The following SRP68 variants were observed in gnomAD, a reference collection of about 807,000 sequenced individuals.
SRP68 encodes the protein signal recognition particle 68.
SRP68 carries 15 observed loss-of-function variants against 82.2 expected under a neutral mutation model. The ratio of observed to expected loss-of-function variants is 0.18; its 90% CI spans 0.12 to 0.28. The LOEUF (loss-of-function observed/expected upper bound fraction) is 0.28. Ranked by LOEUF, SRP68 falls within the 10% of genes least tolerant of loss-of-function variation. SRP68 has a pLI of 1.00. For missense variants in SRP68, 595 were observed against 780.5 expected (o/e 0.76, Z 2.83); for synonymous variants, 261 against 292.6 (o/e 0.89, Z 1.10).
intron 8 of SRP68, among the ~76,000 whole-genome samples, 161 bp from the exon 9 acceptor site, chr17:76,050,687 T>C (rs956817317): frequency 4.1e-5 from 4 of 97,018 alleles, no homozygotes; most frequent in Admixed American, 1.3e-4. Context: ...TACCATATAA[T>C]GGTTTCTCAT....
intron 2 of SRP68, among the ~76,000 whole-genome samples, chr17:76,068,021 GTGGCTCACACCTGTAAT>G (rs1294478645): frequency 1.7e-4 from 26 of 152,290 alleles, no homozygotes; most frequent in African/African-American, 5.3e-4. Context: ...GCTGGGTGCA[GTGGCTCACACCTGTAAT>G]CCCAGCACTT....
At position 76,050,462 on chromosome 17, in the gene SRP68, A is replaced by G; in HGVS notation, c.1043T>C (p.Ile348Thr). 6.2e-7 allele frequency: 1 copy of G among 1,613,888 alleles called. No individual in the cohort carries two copies. Among genetic ancestry groups the G allele is most frequent in the Non-Finnish European group, 8.5e-7 (1 of 1,179,934 alleles). Residue 348 changes from isoleucine (I) to threonine (T), a missense_variant, in exon 9 of 16, where the codon ATC becomes ACC. Ile to Thr is a moderately conservative substitution (Grantham distance 89). Coordinates refer to ENST00000307877, the MANE Select transcript of SRP68 (RefSeq NM_014230.4). ...CTTGAGCTCCTCCCGAACCACCTGG[A>G]TGGCGTCCCGACACTCGCTGAGCAT... ...ESMLSECRDAIQVVREELKPD... is the reference protein window; with the variant it reads ...ESMLSECRDATQVVREELKPD...
intron 7 of SRP68, among the ~76,000 whole-genome samples, chr17:76,060,084 C>T (rs1263012754): frequency 7.7e-6 from 1 of 129,130 alleles, no homozygotes; most frequent in African/African-American, 3.0e-5. Context: ...CGAGATCGTG[C>T]CACCGCACTC....
At chr17:76,056,192 A>G (rs1280386353) in intron 8 of SRP68, among the ~76,000 whole-genome samples, 2 of 152,050 alleles carry the variant, frequency 1.3e-5, no homozygotes, top group Non-Finnish European at 2.9e-5. Flanking sequence ...ACTCTGAAAG[A>G]GCCCTCATTT....
intron 4 of SRP68, among the ~76,000 whole-genome samples, chr17:76,063,240 A>T (rs922277134): frequency 6.6e-6 from 1 of 152,214 alleles, no homozygotes; most frequent in Non-Finnish European, 1.5e-5. Flanking sequence ...CTGAGCTATA[A>T]CATAAGCATC....
At chr17:76,062,678 A>G (rs185494006) in intron 4 of SRP68, among the ~76,000 whole-genome samples, 2 of 22,544 alleles carry the variant, frequency 8.9e-5, no homozygotes, top group African/African-American at 1.5e-3. Flanking sequence ...ACATTATATA[A>G]TATATAATAT....
intron 15 of SRP68, 63 bp downstream of exon 15, chr17:76,040,356 A>T: frequency 6.8e-7 from 1 of 1,481,424 alleles, no homozygotes; most frequent in Non-Finnish European, 9.4e-7. Flanking sequence ...TATAATGAGC[A>T]TGCATTCCTA....
chr17:76,044,781 G>A (rs1326601755), intron 12 of SRP68: 2 of 152,538 alleles, frequency 1.3e-5, no homozygotes, highest in African/African-American at 2.4e-5. Flanking sequence ...TTGTCTCCCA[G>A]GCTGGAGTGC....
chr17:76,054,226 A>T (rs981212965), intron 8 of SRP68, among the ~76,000 whole-genome samples: 4 of 152,160 alleles, frequency 2.6e-5, no homozygotes, highest in Admixed American at 2.6e-4. Flanking sequence ...GTGTGTCCTG[A>T]GGTACAGACC....
chr17:76,064,163 A>G lies in SRP68; in HGVS notation c.374T>C (p.Leu125Pro). Residue 125 changes from leucine to proline, a missense_variant, in exon 4 of 16, where the codon CTT becomes CCT. Around this residue, in one of 2 missense-constraint regions of SRP68, gnomAD observed 495 missense variants for 688.6 expected, o/e 0.72. Coordinates refer to ENST00000307877, the MANE Select transcript of SRP68 (RefSeq NM_014230.4). ...EELLTDNRYLLLVLMDAERAW... is the reference protein window; with the variant it reads ...EELLTDNRYLPLVLMDAERAW... The stretch of plus-strand genomic sequence containing the variant: ...TCTTTCAGCATCCATCAGAACCAGA[A>G]GCAAGTATCTAGACCAGAGACAGAA... The G allele has an allele frequency of 6.2e-7, 1 of 1,614,176 alleles. No homozygotes were observed. The highest frequency in any genetic ancestry group is 8.5e-7 in the Non-Finnish European group (1 of 1,179,994).
chr17:76,040,583 C>T (rs2066581987), intron 14 of SRP68, 109 bp from the exon 15 acceptor site: 1 of 1,096,186 alleles, frequency 9.1e-7, no homozygotes, highest in Admixed American at 1.9e-5. Context: ...CAAAAGGAGC[C>T]AGCATGTGGG....
rs1464871698 is a variant in SRP68, at chr17:76,046,114, T to A, written c.1223A>T (p.Gln408Leu). The change falls in exon 11 of 16, where the codon CAG (glutamine) becomes CTG (leucine). Residue 408 changes from glutamine to leucine, a missense_variant. By Grantham distance (113) the Gln-to-Leu change is moderately radical (BLOSUM62 -2). Around this residue, in one of 2 missense-constraint regions of SRP68, gnomAD observed 495 missense variants for 688.6 expected, o/e 0.72. Coordinates refer to ENST00000307877, the MANE Select transcript of SRP68 (RefSeq NM_014230.4). Reference protein sequence around the residue: ...MAKGLQRALLQQQPEDDSKRS... With the variant: ...MAKGLQRALLLQQPEDDSKRS... ...CTTGCTGTCATCCTCTGGCTGCTGC[T>A]GCAGCAGAGCCCTCTGCAGACCTTT... 6.2e-7 allele frequency: 1 copy of A among 1,613,826 alleles called. No individual in the cohort carries two copies. Among genetic ancestry groups the A allele is most frequent in the African/African-American group, 1.3e-5 (1 of 74,920 alleles).
intron 8 of SRP68, among the ~76,000 whole-genome samples, chr17:76,057,166 A>C (rs2066718980): frequency 6.6e-6 from 1 of 152,190 alleles, no homozygotes; most frequent in Non-Finnish European, 1.5e-5. Flanking sequence ...TCCCATTTTT[A>C]TGTTGATGAC....
At position 76,072,151 on chromosome 17, in the gene SRP68, C is replaced by T; in HGVS notation, c.184+157G>A. The T allele has an allele frequency of 7.1e-7, 1 of 1,408,580 alleles. No homozygotes were observed. The highest frequency in any genetic ancestry group is 9.6e-7 in the Non-Finnish European group (1 of 1,044,438). The allele number at this position is 1,408,580 out of a possible 1,614,324, so 87.3% of individuals were successfully genotyped here. On this transcript the variant is annotated intron_variant, in intron 1 of 15. Transcript: ENST00000307877. The surrounding 1 kb of genome is among the most constrained non-coding windows in gnomAD (Gnocchi z 4.5). ...GGAAAGACTAGTCGAGAGACAGACC[C>T]CCCCCGGAATTCTGAGCACCAAAAG...
intron 13 of SRP68, among the ~76,000 whole-genome samples, chr17:76,042,312 A>G (rs2066597277): frequency 6.6e-6 from 1 of 152,022 alleles, no homozygotes; most frequent in East Asian, 1.9e-4. Context: ...TCGTTCAATA[A>G]TCAGTAAAGC....
intron 14 of SRP68, 76 bp downstream of exon 14, chr17:76,040,827 T>A: frequency 7.4e-7 from 1 of 1,345,342 alleles, no homozygotes; most frequent in Non-Finnish European, 1.1e-6. Context: ...CTTAAAACAG[T>A]AGTATGGGGT....
rs1204046009 is a variant in SRP68 at position 76,064,125 on chromosome 17, C to T, written c.412G>A (p.Ala138Thr). 14 of 1,614,090 alleles carry T rather than the reference C, an allele frequency of 8.7e-6. No homozygotes were observed. The highest frequency in any genetic ancestry group is 1.3e-5 in the African/African-American group (1 of 74,934). ...TTGGCTTCCTGTTTCAGCTGCATGG[C>T]GTAGCTCCAGGCTCTTTCAGCATCC... ...LMDAERAWSY[A>T]MQLKQEANTE... Residue 138 changes from alanine (A) to threonine (T), a missense_variant, in exon 4 of 16, where the codon GCC becomes ACC. Ala to Thr is a moderately conservative substitution (Grantham distance 58). Transcript: ENST00000307877.
chr17:76,069,336 C>T (rs148668787), intron 2 of SRP68, among the ~76,000 whole-genome samples: 368 of 151,786 alleles, frequency 2.4e-3, no homozygotes, highest in African/African-American at 8.6e-3. Context: ...TGCAGTACAC[C>T]GAGATCGTGC....
intron 9 of SRP68, among the ~76,000 whole-genome samples, chr17:76,050,021 G>C (rs2066660027): frequency 6.6e-6 from 1 of 152,188 alleles, no homozygotes; most frequent in Non-Finnish European, 1.5e-5. Flanking sequence ...GCAACAATAG[G>C]CAAGAGGCCC....
Sources: gnomAD v4.1 joint callset for allele counts (sites outside exome capture counted in the v4.1 genomes callset) on GRCh38, gnomAD v4.1.1 for gene constraint, gnomAD v4.1.1 regional missense constraint, Gnocchi (gnomAD v3.1) non-coding constraint, MANE v1.5 for transcripts, NCBI Gene and HGNC (gene_info 2026-07-23, HGNC 2026-07-21) for gene names.